WWTR1: variants seen among roughly 807,000 people sequenced by gnomAD.
The protein encoded by WWTR1 is WW domain-containing transcription regulator protein 1.
WWTR1 carries 13 observed loss-of-function variants against 40.1 expected under a neutral mutation model. That is an observed-to-expected ratio of 0.32 (90% CI 0.21 to 0.52). WWTR1 has a LOEUF of 0.52. Ranked by LOEUF, WWTR1 falls within the 20% of genes least tolerant of loss-of-function variation. The pLI is 0.97. For missense variants in WWTR1, 436 were observed against 523.1 expected (o/e 0.83, Z 1.63); for synonymous variants, 230 against 210.1 (o/e 1.09, Z -0.82).
chr3:149,703,302 C>T (rs1312609412), upstream of WWTR1: 1 of 152,120 alleles, frequency 6.6e-6, no homozygotes, highest in Non-Finnish European at 1.5e-5. Context: ...TTTCAGAGTC[C>T]ATCTGGAGCA....
At chr3:149,633,774 T>C (rs1289118772) in intron 2 of WWTR1, among the ~76,000 whole-genome samples, 1 of 152,008 alleles carries the variant, frequency 6.6e-6, no homozygotes, top group Admixed American at 6.6e-5. Context: ...GTGAGGGTGC[T>C]CCAGGGAAGG....
At chr3:149,554,286 A>G (rs977001843) in intron 3 of WWTR1, among the ~76,000 whole-genome samples, 1 of 152,152 alleles carries the variant, frequency 6.6e-6, no homozygotes, top group Admixed American at 6.5e-5. Context: ...AAGCCTTAAA[A>G]CCACTTCCAG....
At chr3:149,550,919 G>GTT (rs112937949) in intron 3 of WWTR1, among the ~76,000 whole-genome samples, 1 of 138,246 alleles carries the variant, frequency 7.2e-6, no homozygotes, top group Non-Finnish European at 1.6e-5. Context: ...CTATCTTTTA[G>GTT]TTTTTTTTTT....
At chr3:149,542,794 A>G (rs1736178723) in intron 3 of WWTR1, among the ~76,000 whole-genome samples, 1 of 152,158 alleles carries the variant, frequency 6.6e-6, no homozygotes. Context: ...CCCTGTCTAG[A>G]GTACATTTTA....
intron 3 of WWTR1, among the ~76,000 whole-genome samples, chr3:149,559,039 T>A (rs543171884): frequency 2.0e-5 from 3 of 152,216 alleles, no homozygotes; most frequent in Admixed American, 1.3e-4. Context: ...CACGCCTGTA[T>A]TCCCAGCACT....
chr3:149,591,491 A>G (rs1474463960), intron 2 of WWTR1, among the ~76,000 whole-genome samples: 2 of 152,216 alleles, frequency 1.3e-5, no homozygotes, highest in Admixed American at 6.5e-5. Flanking sequence ...AAATGTGTTC[A>G]GTCTATAATA....
intron 1 of WWTR1, among the ~76,000 whole-genome samples, chr3:149,680,498 T>C (rs997935321): frequency 2.0e-5 from 3 of 151,900 alleles, no homozygotes; most frequent in Non-Finnish European, 4.4e-5. Flanking sequence ...GAGCCAACGT[T>C]GTGCCACTGC....
chr3:149,625,413 C>T (rs994057950), intron 2 of WWTR1, among the ~76,000 whole-genome samples: 4 of 151,134 alleles, frequency 2.6e-5, no homozygotes, highest in Non-Finnish European at 4.4e-5. Context: ...CCACTGCGCC[C>T]GGCCAACTCT....
At chr3:149,562,634 C>T (rs1179277344) in intron 3 of WWTR1, among the ~76,000 whole-genome samples, 1 of 150,090 alleles carries the variant, frequency 6.7e-6, no homozygotes, top group Non-Finnish European at 1.5e-5. Flanking sequence ...CACACACACA[C>T]ACACACACAC....
At chr3:149,540,079 T>TACACAC (rs202144589) in intron 4 of WWTR1, 6,055 of 271,830 alleles carry the variant, frequency 0.022, 76 homozygotes, top group African/African-American at 0.026. Context: ...TCCTCCTAAC[T>TACACAC]ACACACACAC....
At chr3:149,624,422 A>G (rs1055215510) in intron 2 of WWTR1, among the ~76,000 whole-genome samples, 1 of 152,136 alleles carries the variant, frequency 6.6e-6, no homozygotes, top group African/African-American at 2.4e-5. Context: ...TGTGAGCTAG[A>G]CCTCTGTCAT....
At position 149,520,712 on chromosome 3, in the gene WWTR1, G is replaced by T; in HGVS notation, c.*93C>A. 1 of 1,217,038 alleles carries T rather than the reference G, an allele frequency of 8.2e-7. No homozygotes were observed. The highest frequency in any genetic ancestry group is 1.1e-6 in the Non-Finnish European group (1 of 916,852). 75.4% of individuals were successfully genotyped at this position (1,217,038 alleles called of 1,614,324 possible). Reference sequence around the variant, plus strand: ...AGCACGAGTCATGGAGGCGGGAAGTGGTGCACCTGCAGACTTGCTCTGCTC... The same window carrying T: ...AGCACGAGTCATGGAGGCGGGAAGTTGTGCACCTGCAGACTTGCTCTGCTC... On this transcript the variant is annotated 3_prime_UTR_variant, in exon 7 of 7. Transcript: ENST00000360632.
At chr3:149,650,096 G>C (rs1712779821) in intron 2 of WWTR1, 1 of 151,924 alleles carries the variant, frequency 6.6e-6, no homozygotes, top group African/African-American at 2.4e-5. Flanking sequence ...AGACAATGGA[G>C]GTGTACTACC....
At chr3:149,529,145 A>T (rs575268251) in intron 4 of WWTR1, among the ~76,000 whole-genome samples, 2 of 152,186 alleles carry the variant, frequency 1.3e-5, no homozygotes, top group Non-Finnish European at 2.9e-5. Context: ...GCCTTTCCCC[A>T]TATTTATGCC....
At chr3:149,682,687 C>A (rs966819165) in intron 1 of WWTR1, among the ~76,000 whole-genome samples, 1 of 152,218 alleles carries the variant, frequency 6.6e-6, no homozygotes, top group Non-Finnish European at 1.5e-5. Context: ...CTTCTCTTCA[C>A]TACCAAGGTT....
upstream of WWTR1, chr3:149,660,984 AT>A (rs939767537): frequency 6.6e-6 from 1 of 152,188 alleles, no homozygotes; most frequent in Non-Finnish European, 1.5e-5. Context: ...CTTCCACTTA[AT>A]CTGGACTGGG....
At chr3:149,677,713 G>T (rs1247179514) in intron 1 of WWTR1, among the ~76,000 whole-genome samples, 1 of 152,160 alleles carries the variant, frequency 6.6e-6, no homozygotes, top group Non-Finnish European at 1.5e-5. Context: ...CGTGACGCGT[G>T]CCTATAATCC....
Position 149,520,606 on chromosome 3 carries a change from T to C in WWTR1, c.*199A>G, listed in dbSNP as rs1560041110. On this transcript the variant is annotated 3_prime_UTR_variant, in exon 7 of 7. Transcript: ENST00000360632. ...AACGCAGGCTTGCAGAAAATGAAAATAGAATATTTATTTATGTTTAACTTA... is the reference window on the plus strand; with the variant it reads ...AACGCAGGCTTGCAGAAAATGAAAACAGAATATTTATTTATGTTTAACTTA... 2.3e-6 allele frequency: 1 copy of C among 438,886 alleles called. No individual in the cohort carries two copies. The highest frequency in any genetic ancestry group is 3.9e-6 in the Non-Finnish European group (1 of 254,938). 27.2% of individuals were successfully genotyped at this position (438,886 alleles called of 1,614,324 possible). A position where few individuals can be genotyped will look rare whatever the true frequency, so the allele number is the denominator to read the frequency against.
At chr3:149,660,825 C>T (rs141898817), upstream of WWTR1, among the ~76,000 whole-genome samples, 494 of 152,318 alleles carry the variant, frequency 3.2e-3, 9 homozygotes, top group Admixed American at 0.026. Flanking sequence ...TTGAAGCTGG[C>T]TCTATCTGCT....
Sources: gnomAD v4.1 joint callset for allele counts (sites outside exome capture counted in the v4.1 genomes callset) on GRCh38, gnomAD v4.1.1 for gene constraint, MANE v1.5 for transcripts, NCBI Gene and HGNC (gene_info 2026-07-23, HGNC 2026-07-21) for gene names.